The following ESR1 variants were observed in gnomAD, a reference collection of about 807,000 sequenced individuals.
The protein encoded by ESR1 is estrogen receptor 1, also known as estrogen receptor.
In ESR1, 12 loss-of-function variants were observed where a neutral mutation model predicts 52.7. The observed-to-expected ratio is 0.23, with a 90% confidence interval of 0.15 to 0.37. The LOEUF is 0.37. Ranked by LOEUF, ESR1 falls within the 10% of genes least tolerant of loss-of-function variation. The pLI is 1.00. For synonymous variants in ESR1, 305 were observed against 316.8 expected, an observed-to-expected ratio of 0.96 and a Z score of 0.39; for missense variants, 584 against 779.7, an observed-to-expected ratio of 0.75 and a Z score of 2.99.
At chr6:152,014,205 C>T (rs992955038) in intron 5 of ESR1, among the ~76,000 whole-genome samples, 1 of 152,066 alleles carries the variant, frequency 6.6e-6, no homozygotes, top group Non-Finnish European at 1.5e-5. Context: ...TGTAAATTAC[C>T]CAGTCTCAGG....
At chr6:152,113,574 T>TTG (rs149373494) in intron 6 of ESR1, among the ~76,000 whole-genome samples, 6,546 of 149,280 alleles carry the variant, frequency 0.044, 297 homozygotes, top group African/African-American at 0.12. Flanking sequence ...AGATCTCATA[T>TTG]TGTGTGTGTG....
At chr6:151,854,393 A>G (rs1787449067) in intron 2 of ESR1, among the ~76,000 whole-genome samples, 1 of 152,184 alleles carries the variant, frequency 6.6e-6, no homozygotes, top group African/African-American at 2.4e-5. Context: ...TAGTGGGGAA[A>G]GCACTCCTAT....
chr6:151,757,934 C>A (rs766629002), intron 2 of ESR1, among the ~76,000 whole-genome samples: 6 of 152,138 alleles, frequency 3.9e-5, no homozygotes, highest in Admixed American at 1.3e-4. Flanking sequence ...GAGGCCATTT[C>A]GAGGCTGAAT....
In ESR1 at chr6:152,102,459, C is replaced by CAGT; in HGVS notation, c.*3496_*3498dup. The CAGT allele has an allele frequency of 4.8e-6, 1 of 208,808 alleles. No individual in the cohort carries two copies. The allele number at this position is 208,808 out of a possible 1,614,324, so 12.9% of individuals were successfully genotyped here. A position where few individuals can be genotyped will look rare whatever the true frequency, so the allele number is the denominator to read the frequency against. ...TATGTGAAAGGCAAATAGAGTCATACAGTAGCTCAAAAGGCAACCATAATT... is the reference window on the plus strand; with the variant it reads ...TATGTGAAAGGCAAATAGAGTCATACAGTAGTAGCTCAAAAGGCAACCATAATT... On this transcript the variant is annotated 3_prime_UTR_variant, in exon 8 of 8. Coordinates refer to ENST00000206249, the MANE Select transcript of ESR1 (RefSeq NM_000125.4).
In ESR1 at chr6:151,658,978, G is replaced by A. The variant is rs575430802; in HGVS notation, n.73+2215G>A. Among the ~76,000 whole-genome samples, 25 of 152,248 alleles carry A rather than the reference G, an allele frequency of 1.6e-4. No individual in the cohort carries two copies. The South Asian group carries it at 3.1e-3, about 19-fold the overall frequency. On this transcript the variant is annotated intron_variant and non_coding_transcript_variant, in intron 1 of 2. Coordinates refer to the ESR1 transcript ENST00000473497. ...TCTAAGGCTTAGAAGAAGGAAGCTC[G>A]GGGAGCCTAAACCAAGATATGCTAA...
intron 4 of ESR1, among the ~76,000 whole-genome samples, chr6:151,994,125 G>A (rs2041266592): frequency 6.6e-6 from 1 of 152,116 alleles, no homozygotes; most frequent in Non-Finnish European, 1.5e-5. Context: ...AGTTGCCCAA[G>A]GTCACAGAGG....
intron 2 of ESR1, among the ~76,000 whole-genome samples, chr6:151,753,438 C>T (rs1373625664): frequency 2.0e-5 from 3 of 151,628 alleles, no homozygotes; most frequent in Non-Finnish European, 4.4e-5. Context: ...CTGCCTCAAT[C>T]TCCTGAGTAG....
chr6:151,849,656 A>T (rs1785919117), intron 2 of ESR1, among the ~76,000 whole-genome samples: 1 of 149,852 alleles, frequency 6.7e-6, no homozygotes, highest in African/African-American at 2.4e-5. Context: ...AAAAAAAAAA[A>T]TAATAATGAT....
At position 152,057,694 on chromosome 6, in the gene ESR1, TACACACAC is replaced by T. The variant is rs10560254; in HGVS notation, c.1236-3270_1236-3263del. ...TTCCCTAAAGGAACATACACATGCA[TACACACAC>T]ACACACACACACACACACACACACA... On this transcript the variant is annotated intron_variant, in intron 5 of 7. Transcript: ENST00000206249. Among the ~76,000 whole-genome samples, 990 of 145,818 alleles carry T rather than the reference TACACACAC, an allele frequency of 6.8e-3. 4 individuals carry two copies. Among genetic ancestry groups the T allele is most frequent in the Non-Finnish European group, 8.7e-3 (568 of 65,494 alleles).
chr6:151,669,328 AG>A (rs1194841808), intron 1 of ESR1, among the ~76,000 whole-genome samples: 1 of 151,790 alleles, frequency 6.6e-6, no homozygotes, highest in Non-Finnish European at 1.5e-5. Flanking sequence ...GAAGTACAGG[AG>A]GGGTGAATTC....
intron 2 of ESR1, among the ~76,000 whole-genome samples, chr6:151,790,864 C>T (rs1387812659): frequency 2.0e-5 from 3 of 152,054 alleles, no homozygotes; most frequent in Admixed American, 1.3e-4. Flanking sequence ...GAGTTAATCT[C>T]CACCTTTAAG....
upstream of ESR1, among the ~76,000 whole-genome samples, chr6:151,685,741 G>A (rs1372209535): frequency 1.3e-5 from 2 of 152,132 alleles, no homozygotes. Context: ...TGTCACTCCT[G>A]TAAATATGAT....
At chr6:151,782,775 G>C (rs1386524763) in intron 2 of ESR1, among the ~76,000 whole-genome samples, 1 of 152,136 alleles carries the variant, frequency 6.6e-6, no homozygotes, top group Non-Finnish European at 1.5e-5. Context: ...TTAAGTGCTG[G>C]CCAAATGTGG....
intron 4 of ESR1, among the ~76,000 whole-genome samples, chr6:151,956,878 AT>A (rs1249129147): frequency 0.01 from 331 of 32,836 alleles, 4 homozygotes; most frequent in Middle Eastern, 0.088. Context: ...ATATATATAT[AT>A]AAAATTTTTT....
intron 6 of ESR1, among the ~76,000 whole-genome samples, chr6:152,068,897 C>T (rs945642130): frequency 6.3e-5 from 6 of 95,576 alleles, no homozygotes; most frequent in Middle Eastern, 4.4e-3. Flanking sequence ...CCTCCATGGA[C>T]TGGGTTGGGT....
chr6:151,725,862 ATAT>A (rs975000000), intron 2 of ESR1, among the ~76,000 whole-genome samples: 3 of 152,248 alleles, frequency 2.0e-5, no homozygotes, highest in African/African-American at 7.2e-5. Flanking sequence ...GAACTTGCAA[ATAT>A]TATTAAGATT....
At chr6:151,944,903 T>C (rs1009990672) in intron 4 of ESR1, among the ~76,000 whole-genome samples, 1 of 152,212 alleles carries the variant, frequency 6.6e-6, no homozygotes, top group Non-Finnish European at 1.5e-5. Context: ...CAATTATTAA[T>C]CAAACGATTT....
chr6:151,912,118 G>C (rs1798358683), intron 3 of ESR1, among the ~76,000 whole-genome samples: 1 of 152,204 alleles, frequency 6.6e-6, no homozygotes, highest in African/African-American at 2.4e-5. Flanking sequence ...ACCACAGAGA[G>C]TGCTGATGAA....
At chr6:152,047,558 G>T (rs1487339997) in intron 5 of ESR1, among the ~76,000 whole-genome samples, 1 of 152,092 alleles carries the variant, frequency 6.6e-6, no homozygotes, top group Non-Finnish European at 1.5e-5. Flanking sequence ...TTTGCCAGTG[G>T]AATGAACGGG....
Sources: gnomAD v4.1 joint callset for allele counts (sites outside exome capture counted in the v4.1 genomes callset) on GRCh38, gnomAD v4.1.1 for gene constraint, MANE v1.5 for transcripts, NCBI Gene and HGNC (gene_info 2026-07-23, HGNC 2026-07-21) for gene names.